The following AOAH variants were observed in gnomAD, a reference collection of about 807,000 sequenced individuals.
AOAH encodes the protein acyloxyacyl hydrolase (neutrophil).
In AOAH, 64 loss-of-function variants were observed where a neutral mutation model predicts 92.2. The ratio of observed to expected loss-of-function variants is 0.69; its 90% CI spans 0.57 to 0.86. The LOEUF (loss-of-function observed/expected upper bound fraction) is 0.86, where lower values mean the gene tolerates loss of function less well. Among genes scored for constraint, AOAH ranks in the 40% least tolerant of loss-of-function variants. The pLI is 0.00. For synonymous variants in AOAH, 263 were observed against 254.5 expected, an observed-to-expected ratio of 1.03 and a Z score of -0.32; for missense variants, 656 against 694.6, an observed-to-expected ratio of 0.94 and a Z score of 0.62.
chr7:36,720,865 T>G (rs986021959), intron 1 of AOAH, among the ~76,000 whole-genome samples: 1 of 152,166 alleles, frequency 6.6e-6, no homozygotes, highest in Non-Finnish European at 1.5e-5. Flanking sequence ...ACCTTTCTGC[T>G]GGAGGGTTTG....
chr7:36,687,017 CTT>C (rs1358238219), intron 1 of AOAH, among the ~76,000 whole-genome samples: 1 of 152,176 alleles, frequency 6.6e-6, no homozygotes, highest in Non-Finnish European at 1.5e-5. Flanking sequence ...TCCTCCCCCA[CTT>C]TCTCTCCTTT....
chr7:36,659,076 G>C, intron 4 of AOAH, 90 bp downstream of exon 4: 2 of 1,053,888 alleles, frequency 1.9e-6, no homozygotes, highest in African/African-American at 3.1e-5. Context: ...CCAAAACACT[G>C]AGCGAGTAAA....
Position 36,637,861 on chromosome 7 carries a change from G to A in AOAH, c.440C>T (p.Ser147Phe), listed in dbSNP as rs148208589. 1.2e-6 allele frequency: 2 copies of A among 1,614,038 alleles called. No homozygotes were observed. Among genetic ancestry groups the A allele is most frequent in the East Asian group, 2.2e-5 (1 of 44,880 alleles). The change falls in exon 5 of 21, where the codon TCC (serine) becomes TTC (phenylalanine). Residue 147 changes from serine to phenylalanine, a missense_variant. Transcript: ENST00000617537. ...LQKARQIVKK[S>F]PILKYSRSGS... The stretch of plus-strand genomic sequence containing the variant: ...GTGCTTAGTGCTTACCAGAATCGGG[G>A]ACTTCTTGACAATTTGTCTTGCCTT...
intron 19 of AOAH, among the ~76,000 whole-genome samples, chr7:36,527,337 C>T (rs1468363917): frequency 6.6e-6 from 1 of 152,134 alleles, no homozygotes; most frequent in Non-Finnish European, 1.5e-5. Flanking sequence ...ATTTTTGACA[C>T]AATTGTCAGA....
chr7:36,530,131 G>A (rs1005284292), intron 19 of AOAH, among the ~76,000 whole-genome samples: 18 of 152,222 alleles, frequency 1.2e-4, no homozygotes, highest in African/African-American at 3.9e-4. Context: ...GCATTAACCT[G>A]TAGGTTGCCA....
rs530926765 is a variant in AOAH, at chr7:36,609,684, G to A, written c.846+6696C>T. On this transcript the variant is annotated intron_variant, in intron 11 of 20. Coordinates refer to ENST00000617537, the MANE Select transcript of AOAH (RefSeq NM_001637.4). The stretch of plus-strand genomic sequence containing the variant: ...TCAGGCAGCCTTTCCTCCAGTTTGC[G>A]GGGGAGCGTGTGCACATTACAGCAC... Among the ~76,000 whole-genome samples the A allele has an allele frequency of 9.4e-4, 143 of 152,210 alleles. 2 individuals carry two copies. The highest frequency in any genetic ancestry group is 3.4e-3 in the Middle Eastern group (1 of 294).
At chr7:36,674,087 C>T in intron 2 of AOAH, 78 bp from the exon 3 acceptor site, 1 of 807,396 alleles carries the variant, frequency 1.2e-6, no homozygotes, top group South Asian at 1.6e-5. Flanking sequence ...ATTATCTTTG[C>T]TAGGAACTGA....
At chr7:36,694,911 G>T (rs1797620851) in intron 1 of AOAH, among the ~76,000 whole-genome samples, 1 of 150,892 alleles carries the variant, frequency 6.6e-6, no homozygotes, top group South Asian at 2.1e-4. Context: ...TGGATGGAAT[G>T]GATATATAGG....
intron 13 of AOAH, among the ~76,000 whole-genome samples, chr7:36,565,993 C>T (rs976839917): frequency 6.6e-6 from 1 of 152,076 alleles, no homozygotes; most frequent in African/African-American, 2.4e-5. Context: ...GGATCACAAA[C>T]TGTATTCAGC....
chr7:36,713,333 C>T (rs1943016449), intron 1 of AOAH, among the ~76,000 whole-genome samples: 3 of 152,022 alleles, frequency 2.0e-5, no homozygotes, highest in South Asian at 2.1e-4. Context: ...TAAAGCAAGT[C>T]CTTAGAGACC....
intron 13 of AOAH, among the ~76,000 whole-genome samples, chr7:36,571,071 A>G (rs1205995664): frequency 6.6e-6 from 1 of 152,156 alleles, no homozygotes; most frequent in Non-Finnish European, 1.5e-5. Flanking sequence ...TGGCTAATCC[A>G]TTCTGCTGGG....
chr7:36,677,961 G>C (rs561080110), intron 2 of AOAH, among the ~76,000 whole-genome samples: 26 of 152,206 alleles, frequency 1.7e-4, no homozygotes, highest in African/African-American at 6.3e-4. Flanking sequence ...TGGGTGTTTG[G>C]GGGCGGATGC....
intron 12 of AOAH, among the ~76,000 whole-genome samples, chr7:36,581,352 G>A (rs1788920317): frequency 6.6e-6 from 1 of 152,140 alleles, no homozygotes; most frequent in South Asian, 2.1e-4. Flanking sequence ...TCGTCCTCTT[G>A]GACAAATTCA....
rs1446400104 is a variant in AOAH at position 36,700,669 on chromosome 7, C to A, written c.128-13875G>T. Among the ~76,000 whole-genome samples the A allele has an allele frequency of 2.0e-5, 3 of 151,936 alleles. No homozygotes were observed. The East Asian group carries it at 5.8e-4, about 29-fold the overall frequency. On this transcript the variant is annotated intron_variant, in intron 1 of 20. Transcript: ENST00000617537. ...ACATATGAGCAGGTGTATTCTGATA[C>A]AATGATTTCTTTTCCTTTGGGTAGA... is the stretch of plus-strand genomic sequence containing the variant.
intron 12 of AOAH, among the ~76,000 whole-genome samples, chr7:36,594,098 A>G (rs943764542): frequency 1.3e-5 from 2 of 152,188 alleles, no homozygotes; most frequent in Non-Finnish European, 2.9e-5. Flanking sequence ...AGTATTTTCC[A>G]TCAGAGGTAA....
chr7:36,654,552 T>C (rs1794767830), intron 4 of AOAH, among the ~76,000 whole-genome samples: 1 of 152,128 alleles, frequency 6.6e-6, no homozygotes, highest in Non-Finnish European at 1.5e-5. Flanking sequence ...AAGCCAGATC[T>C]CTGTTGCTCT....
At chr7:36,709,854 A>G (rs951912375) in intron 1 of AOAH, among the ~76,000 whole-genome samples, 2 of 152,222 alleles carry the variant, frequency 1.3e-5, no homozygotes, top group African/African-American at 2.4e-5. Context: ...ACGAAAAACC[A>G]TAAACAAACC....
At chr7:36,546,530 G>A (rs1465221283) in intron 15 of AOAH, among the ~76,000 whole-genome samples, 11 of 152,264 alleles carry the variant, frequency 7.2e-5, no homozygotes, top group Non-Finnish European at 1.6e-4. Context: ...GGGAGAGGCT[G>A]GCACAGGTCT....
chr7:36,571,120 A>C (rs1788118915), intron 13 of AOAH, among the ~76,000 whole-genome samples: 1 of 152,150 alleles, frequency 6.6e-6, no homozygotes, highest in Non-Finnish European at 1.5e-5. Context: ...GGAGGGATGA[A>C]TAAAGTCTAG....
Sources: gnomAD v4.1 joint callset for allele counts (sites outside exome capture counted in the v4.1 genomes callset) on GRCh38, gnomAD v4.1.1 for gene constraint, MANE v1.5 for transcripts, NCBI Gene and HGNC (gene_info 2026-07-23, HGNC 2026-07-21) for gene names.